SNX29: variants seen among roughly 807,000 people sequenced by gnomAD.
The protein encoded by SNX29 is sorting nexin 29.
SNX29 carries 78 observed loss-of-function variants against 102.1 expected under a neutral mutation model. The observed-to-expected ratio is 0.76, with a 90% confidence interval of 0.64 to 0.92. The LOEUF is 0.92. SNX29 is among the 40% of genes least tolerant of loss of function. The probability of loss-of-function intolerance (pLI) is 0.00; values close to 1 mark genes in which losing one functional copy is unlikely to be tolerated. For synonymous variants in SNX29, 580 were observed against 414.5 expected, an observed-to-expected ratio of 1.40 and a Z score of -4.85; for missense variants, 1,280 against 1,061.7, an observed-to-expected ratio of 1.21 and a Z score of -2.86.
At chr16:12,519,805 C>T (rs192509226) in intron 19 of SNX29, among the ~76,000 whole-genome samples, 29 of 152,028 alleles carry the variant, frequency 1.9e-4, no homozygotes, top group Admixed American at 7.2e-4. Context: ...GGCAGGAGTT[C>T]GAGACCAGCC....
At position 12,356,208 on chromosome 16, in the gene SNX29, C is replaced by A. The variant is rs756328346; in HGVS notation, c.1828C>A (p.His610Asn). 6.2e-7 allele frequency: 1 copy of A among 1,613,378 alleles called. No homozygotes were observed. Among genetic ancestry groups the A allele is most frequent in the African/African-American group, 1.3e-5 (1 of 74,918 alleles). The change falls in exon 16 of 21, where the codon CAC becomes AAC. Residue 610 changes from histidine (H) to asparagine (N), a missense_variant. By Grantham distance (68) the His-to-Asn change is moderately conservative. Transcript: ENST00000566228. ...GELIEFNERL[H>N]RALVAKEALV... ...GCTGATTGAGTTCAACGAGCGCCTG[C>A]ACAGGGCCCTGGTAGCCAAGGAAGC... is the stretch of plus-strand genomic sequence containing the variant.
At chr16:12,000,792 C>T (rs922129165) in intron 2 of SNX29, among the ~76,000 whole-genome samples, 7 of 152,156 alleles carry the variant, frequency 4.6e-5, no homozygotes, top group Admixed American at 2.0e-4. Context: ...TCAGACGTAG[C>T]TGGAATTAAA....
chr16:12,542,436 ATT>A (rs371438407), intron 20 of SNX29, among the ~76,000 whole-genome samples: 61 of 152,296 alleles, frequency 4.0e-4, no homozygotes, highest in African/African-American at 1.4e-3. Context: ...CCCAAGTTCA[ATT>A]TTGTTTCCTC....
chr16:12,202,000 G>T (rs1341744876), intron 14 of SNX29, among the ~76,000 whole-genome samples: 1 of 152,132 alleles, frequency 6.6e-6, no homozygotes, highest in Non-Finnish European at 1.5e-5. Flanking sequence ...TCCCCAGACC[G>T]ATCCTGAGTG....
chr16:12,013,500 A>AAAAAAAATATATATATATATATAT, intron 3 of SNX29, among the ~76,000 whole-genome samples: 4 of 31,624 alleles, frequency 1.3e-4, no homozygotes, highest in Admixed American at 5.6e-4. Flanking sequence ...AAAAAAAAAA[A>AAAAAAAATATATATATATATATAT]ATATATATAT....
chr16:12,457,242 G>A (rs2086579974), intron 18 of SNX29, among the ~76,000 whole-genome samples: 2 of 152,166 alleles, frequency 1.3e-5, no homozygotes, highest in Admixed American at 1.3e-4. Context: ...CTCTTAGGTG[G>A]GTGCTAATAC....
chr16:12,200,058 T>G (rs1273063806), intron 14 of SNX29, among the ~76,000 whole-genome samples: 5 of 152,126 alleles, frequency 3.3e-5, no homozygotes, highest in Non-Finnish European at 7.3e-5. Flanking sequence ...AGCGCTGGAC[T>G]TAGGCTGATC....
chr16:11,985,012 C>G (rs377607659), intron 1 of SNX29, among the ~76,000 whole-genome samples: 34 of 149,920 alleles, frequency 2.3e-4, no homozygotes, highest in African/African-American at 8.3e-4. Context: ...ATTTTTTTTT[C>G]AAGGTAGTTT....
chr16:11,992,470 C>T (rs778777746), intron 1 of SNX29, among the ~76,000 whole-genome samples: 42 of 151,634 alleles, frequency 2.8e-4, no homozygotes, highest in Non-Finnish European at 5.2e-4. Flanking sequence ...AGCAGTAGCT[C>T]CCCATCCCCC....
At chr16:12,179,815 A>G (rs1237582834) in intron 13 of SNX29, among the ~76,000 whole-genome samples, 1 of 152,156 alleles carries the variant, frequency 6.6e-6, no homozygotes, top group Non-Finnish European at 1.5e-5. Flanking sequence ...TGTAGGTCAC[A>G]TTTTCTGAGA....
chr16:12,388,850 G>T (rs971385845), intron 16 of SNX29, among the ~76,000 whole-genome samples: 2 of 152,140 alleles, frequency 1.3e-5, no homozygotes, highest in Non-Finnish European at 2.9e-5. Flanking sequence ...TGTTGGTAAG[G>T]GATATTCTAT....
At chr16:12,534,014 A>G (rs1345247941) in intron 20 of SNX29, among the ~76,000 whole-genome samples, 1 of 152,264 alleles carries the variant, frequency 6.6e-6, no homozygotes, top group Non-Finnish European at 1.5e-5. Context: ...CTTCCAGGGC[A>G]AAAGGGGACT....
At chr16:12,298,517 G>T (rs548434295) in intron 15 of SNX29, among the ~76,000 whole-genome samples, 1 of 152,278 alleles carries the variant, frequency 6.6e-6, no homozygotes, top group Admixed American at 6.5e-5. Flanking sequence ...TGTAAAATGG[G>T]AATGGTAATA....
intron 3 of SNX29, 108 bp from the exon 4 acceptor site, chr16:12,027,212 C>G: frequency 7.1e-7 from 1 of 1,404,062 alleles, no homozygotes; most frequent in Non-Finnish European, 9.7e-7. Context: ...TCTGCCTTCA[C>G]GCTGAGGTTT....
intron 16 of SNX29, among the ~76,000 whole-genome samples, chr16:12,387,409 C>T (rs145286360): frequency 1.2e-3 from 181 of 152,192 alleles, no homozygotes; most frequent in African/African-American, 4.2e-3. Context: ...GAATCGTTGG[C>T]GTCTCAGAAG....
chr16:12,397,054 G>GT (rs1237090741), intron 16 of SNX29, among the ~76,000 whole-genome samples: 1 of 152,086 alleles, frequency 6.6e-6, no homozygotes, highest in African/African-American at 2.4e-5. Flanking sequence ...CCTGGCTAAT[G>GT]TTTTTTTCCA....
intron 16 of SNX29, among the ~76,000 whole-genome samples, chr16:12,365,981 G>T (rs2082461210): frequency 7.3e-6 from 1 of 137,634 alleles, no homozygotes; most frequent in Admixed American, 8.1e-5. Flanking sequence ...GGTGGAGGTT[G>T]CAGTGAGCAG....
intron 13 of SNX29, among the ~76,000 whole-genome samples, chr16:12,193,163 T>C (rs528120192): frequency 4.6e-5 from 7 of 152,346 alleles, no homozygotes; most frequent in Admixed American, 3.9e-4. Flanking sequence ...TGGAGTTTCA[T>C]CCAAGTTGTT....
rs545085493 is a variant in SNX29 at position 12,166,904 on chromosome 16, G to T, written c.1596-32697G>T. On this transcript the variant is annotated intron_variant, in intron 13 of 20. Coordinates refer to ENST00000566228, the MANE Select transcript of SNX29 (RefSeq NM_032167.5). ...GCTTATTTTGCAAAGCAAAACTCAA[G>T]CCCTACTAGGAAGAAGAAAATGCTC... 3.9e-5 allele frequency among the ~76,000 whole-genome samples: 6 copies of T among 152,318 alleles called. No homozygotes were observed. In the East Asian group the frequency reaches 9.6e-4, roughly 24 times the overall value.
Sources: gnomAD v4.1 joint callset for allele counts (sites outside exome capture counted in the v4.1 genomes callset) on GRCh38, gnomAD v4.1.1 for gene constraint, MANE v1.5 for transcripts, NCBI Gene and HGNC (gene_info 2026-07-23, HGNC 2026-07-21) for gene names.